SLCO1C1: variants seen among roughly 807,000 people sequenced by gnomAD.
SLCO1C1 encodes the protein solute carrier organic anion transporter family member 1C1.
A neutral mutation model predicts 76.4 loss-of-function variants in SLCO1C1; 70 were observed. The observed-to-expected ratio is 0.92, with a 90% CI of 0.76 to 1.12. The LOEUF is 1.12. SLCO1C1 is among the 50% of genes most tolerant of loss of function. The pLI is 0.00. For missense variants in SLCO1C1, 912 were observed against 823.8 expected, an observed-to-expected ratio of 1.11 and a Z score of -1.31; for synonymous variants, 306 against 286.1, an observed-to-expected ratio of 1.07 and a Z score of -0.70.
At chr12:20,734,816 A>G (rs748020899) in intron 10 of SLCO1C1, among the ~76,000 whole-genome samples, 1 of 152,242 alleles carries the variant, frequency 6.6e-6, no homozygotes, top group Non-Finnish European at 1.5e-5. Context: ...TTGAAAGACT[A>G]TAATTGTATT....
At chr12:20,736,169 G>A (rs955161399) in intron 10 of SLCO1C1, among the ~76,000 whole-genome samples, 1 of 151,732 alleles carries the variant, frequency 6.6e-6, no homozygotes, top group East Asian at 1.9e-4. Flanking sequence ...AAGGATAAAA[G>A]CAGAAGGATT....
chr12:20,723,374 C>T (rs1947779103), intron 9 of SLCO1C1, 120 bp downstream of exon 9: 2 of 1,191,026 alleles, frequency 1.7e-6, no homozygotes, highest in East Asian at 2.5e-5. Context: ...TTTAGATGAG[C>T]TCAAAAAGTA....
chr12:20,701,412 A>G lies in SLCO1C1; in HGVS notation c.224A>G (p.Asp75Gly). Residue 75 changes from aspartate (D) to glycine (G), a missense_variant, in exon 3 of 15, where the codon GAT (aspartate) becomes GGT (glycine). By Grantham distance (94) the Asp-to-Gly change is moderately conservative. Coordinates refer to ENST00000266509, the MANE Select transcript of SLCO1C1 (RefSeq NM_017435.5). ...ATCACTCAGATAGAGAGAAGGTTTG[A>G]TATCCCTTCTTCACTGGTGGGAGTT... ...STITQIERRF[D>G]IPSSLVGVID... is the part of the protein sequence containing the mutation. The G allele has an allele frequency of 1.3e-6, 2 of 1,555,882 alleles. No homozygotes were observed. The highest frequency in any genetic ancestry group is 1.2e-5 in the South Asian group (1 of 84,798).
chr12:20,708,186 T>G (rs1946877837), intron 4 of SLCO1C1, among the ~76,000 whole-genome samples: 1 of 152,202 alleles, frequency 6.6e-6, no homozygotes, highest in Non-Finnish European at 1.5e-5. Context: ...TGCAGAAATA[T>G]CCTTAATGTC....
At chr12:20,705,803 C>G in intron 3 of SLCO1C1, 146 bp from the exon 4 acceptor site, 1 of 699,570 alleles carries the variant, frequency 1.4e-6, no homozygotes, top group African/African-American at 1.8e-5. Flanking sequence ...AGGGTCATCT[C>G]AGATTAAAGG....
At chr12:20,749,935 T>C (rs903428596) in intron 13 of SLCO1C1, among the ~76,000 whole-genome samples, 3 of 152,172 alleles carry the variant, frequency 2.0e-5, no homozygotes, top group Non-Finnish European at 2.9e-5. Flanking sequence ...AATCATTGCT[T>C]GGGATAAAGG....
intron 9 of SLCO1C1, among the ~76,000 whole-genome samples, chr12:20,726,862 C>T (rs1382523645): frequency 6.6e-6 from 1 of 152,144 alleles, no homozygotes; most frequent in Admixed American, 6.5e-5. Flanking sequence ...TCTTCTCCTT[C>T]CTTTCCCTCT....
intron 2 of SLCO1C1, among the ~76,000 whole-genome samples, chr12:20,700,436 TTTC>T (rs552697309): frequency 3.9e-5 from 6 of 151,940 alleles, no homozygotes; most frequent in African/African-American, 1.4e-4. Flanking sequence ...GTGATAGAAG[TTTC>T]TTTTTTTTAA....
chr12:20,705,032 C>T lies in SLCO1C1; in HGVS notation c.272-917C>T, dbSNP rs1012745550. 3.9e-5 allele frequency among the ~76,000 whole-genome samples: 6 copies of T among 152,000 alleles called. No homozygotes were observed. The East Asian group carries it at 9.7e-4, about 25-fold the overall frequency. ...GACCTCAGATCCATGGAATCAGAAA[C>T]GTTTGGTACTTGCCAAGAATCGCAT... On this transcript the variant is annotated intron_variant, in intron 3 of 14. Coordinates refer to ENST00000266509, the MANE Select transcript of SLCO1C1 (RefSeq NM_017435.5).
chr12:20,752,302 C>G lies in SLCO1C1; in HGVS notation c.1917-4C>G, dbSNP rs371339590. 6.5e-7 allele frequency: 1 copy of G among 1,539,090 alleles called. No individual in the cohort carries two copies. The highest frequency in any genetic ancestry group is 1.4e-5 in the African/African-American group (1 of 72,628). On this transcript the variant is annotated splice_polypyrimidine_tract_variant and splice_region_variant and intron_variant, in intron 14 of 14. Coordinates refer to ENST00000266509, the MANE Select transcript of SLCO1C1 (RefSeq NM_017435.5). ...ATTATAACAGAGATTCTCTCTTCTT[C>G]TAGACATATATATCTGGGACTAACT...
At chr12:20,701,225 G>A (rs1200703372) in intron 2 of SLCO1C1, 93 bp from the exon 3 acceptor site, 102 of 1,228,550 alleles carry the variant, frequency 8.3e-5, no homozygotes, top group Non-Finnish European at 6.5e-5. Flanking sequence ...ATTGTTCTTT[G>A]TTGTTTGTTT....
intron 9 of SLCO1C1, among the ~76,000 whole-genome samples, chr12:20,731,678 A>G (rs1592294639): frequency 6.6e-6 from 1 of 152,206 alleles, no homozygotes; most frequent in East Asian, 1.9e-4. Context: ...AATAAATTCT[A>G]ATTAGCAGAG....
At position 20,745,547 on chromosome 12, in the gene SLCO1C1, G is replaced by A. The variant is rs369934937; in HGVS notation, c.1798+2178G>A. ...TATAAAATAAAAAAATTCAAAGGCT[G>A]GGTGCGGTGGCTCATGCCTGTAATC... On this transcript the variant is annotated intron_variant, in intron 13 of 14. Coordinates refer to ENST00000266509, the MANE Select transcript of SLCO1C1 (RefSeq NM_017435.5). 8.5e-5 allele frequency among the ~76,000 whole-genome samples: 13 copies of A among 152,224 alleles called. No homozygotes were observed. In the South Asian group the frequency reaches 2.7e-3, roughly 32 times the overall value.
intron 1 of SLCO1C1, among the ~76,000 whole-genome samples, chr12:20,696,415 C>T (rs903418420): frequency 6.6e-6 from 1 of 152,026 alleles, no homozygotes; most frequent in Non-Finnish European, 1.5e-5. Flanking sequence ...GGACAGAGTC[C>T]GAGTCAGTTG....
intron 9 of SLCO1C1, among the ~76,000 whole-genome samples, chr12:20,725,515 C>G (rs567164722): frequency 9.5e-4 from 139 of 147,014 alleles, no homozygotes; most frequent in African/African-American, 3.4e-3. Flanking sequence ...AAGCAGAAAA[C>G]AACATTCCAC....
intron 9 of SLCO1C1, among the ~76,000 whole-genome samples, chr12:20,730,642 G>A (rs1948223667): frequency 6.6e-6 from 1 of 152,162 alleles, no homozygotes. Flanking sequence ...AAAAGCAAAA[G>A]TTGGCATTTC....
At chr12:20,717,357 A>C (rs1947411899) in intron 7 of SLCO1C1, 127 bp downstream of exon 7, 1 of 622,310 alleles carries the variant, frequency 1.6e-6, no homozygotes, top group Non-Finnish European at 2.6e-6. Context: ...CATAAACTAA[A>C]AATTTTATTA....
chr12:20,714,561 G>T (rs1344560506), intron 5 of SLCO1C1, among the ~76,000 whole-genome samples: 4 of 152,246 alleles, frequency 2.6e-5, no homozygotes, highest in Non-Finnish European at 2.9e-5. Flanking sequence ...TAATTTTTAT[G>T]TAAATTTGTT....
chr12:20,746,425 G>A (rs1031645972), intron 13 of SLCO1C1, among the ~76,000 whole-genome samples: 5 of 151,776 alleles, frequency 3.3e-5, no homozygotes, highest in Non-Finnish European at 7.4e-5. Flanking sequence ...GTCAATTAAG[G>A]AAAATTCCTT....
Sources: allele counts gnomAD v4.1 joint callset (sites outside exome capture counted in the v4.1 genomes callset), GRCh38; gene constraint gnomAD v4.1.1; transcripts MANE v1.5; gene names NCBI Gene and HGNC (gene_info 2026-07-23, HGNC 2026-07-21).